The following UBE2V2 variants were observed in gnomAD, a reference collection of about 807,000 sequenced individuals.
The protein encoded by UBE2V2 is ubiquitin-conjugating enzyme E2 variant 2.
UBE2V2 carries 9 observed loss-of-function variants against 17.2 expected under a neutral mutation model. The observed-to-expected ratio is 0.52, with a 90% confidence interval of 0.32 to 0.91. The LOEUF is 0.91. Ranked by LOEUF, UBE2V2 falls within the 40% of genes least tolerant of loss-of-function variation. The pLI is 0.04. For synonymous variants in UBE2V2, 61 were observed against 57.5 expected, an observed-to-expected ratio of 1.06 and a Z score of -0.28; for missense variants, 133 against 182.6, an observed-to-expected ratio of 0.73 and a Z score of 1.56.
At chr8:48,050,650 C>G (rs1293468008) in intron 3 of UBE2V2, 1 of 148,578 alleles carries the variant, frequency 6.7e-6, no homozygotes, top group Admixed American at 6.8e-5. Context: ...GATTGTGCCA[C>G]TGCACTCCAG....
At chr8:48,017,006 G>A (rs1372828738) in intron 1 of UBE2V2, among the ~76,000 whole-genome samples, 2 of 145,342 alleles carry the variant, frequency 1.4e-5, no homozygotes, top group Non-Finnish European at 3.0e-5. Flanking sequence ...GGCTAGGCTG[G>A]TCTCAAACGC....
chr8:48,009,423 G>T (rs984842593), intron 1 of UBE2V2, among the ~76,000 whole-genome samples: 4 of 151,902 alleles, frequency 2.6e-5, no homozygotes, highest in Non-Finnish European at 4.4e-5. Flanking sequence ...GTGCCACCAG[G>T]CCCGGCTAAT....
upstream of UBE2V2, among the ~76,000 whole-genome samples, chr8:48,005,731 G>A (rs1164248442): frequency 1.3e-5 from 2 of 152,148 alleles, no homozygotes; most frequent in South Asian, 4.1e-4. Flanking sequence ...TGAGATGGTA[G>A]CTCATTGTGG....
intron 1 of UBE2V2, among the ~76,000 whole-genome samples, chr8:48,034,562 TC>T (rs2091407767): frequency 6.6e-6 from 1 of 151,542 alleles, no homozygotes; most frequent in South Asian, 2.1e-4. Flanking sequence ...CTATTAGGTC[TC>T]CCCCACCCCC....
chr8:48,038,825 G>C (rs942920300), intron 1 of UBE2V2, among the ~76,000 whole-genome samples: 1 of 151,726 alleles, frequency 6.6e-6, no homozygotes, highest in East Asian at 1.9e-4. Context: ...GGGTTTCACT[G>C]TGTTGACCAG....
Position 48,008,462 on chromosome 8 carries a change from T to A in UBE2V2, c.8T>A (p.Val3Asp), listed in dbSNP as rs751366039. The A allele has an allele frequency of 7.7e-6, 12 of 1,567,014 alleles. No individual in the cohort carries two copies. Among genetic ancestry groups the A allele is most frequent in the Non-Finnish European group, 9.5e-6 (11 of 1,158,922 alleles). Residue 3 changes from valine to aspartate, a missense_variant, in exon 1 of 4, where the codon GTC (valine) becomes GAC (aspartate). This residue lies in a region of UBE2V2 where 27 missense variants were observed against 20.1 expected (regional missense o/e 1.34). Coordinates refer to ENST00000523111, the MANE Select transcript of UBE2V2 (RefSeq NM_003350.3). ...GTCGGGCTGCAGGAGAAGATGGCGGTCTCCACAGGTCGGTTCCCGGGCCGG... is the reference window on the plus strand; with the variant it reads ...GTCGGGCTGCAGGAGAAGATGGCGGACTCCACAGGTCGGTTCCCGGGCCGG... Reference protein sequence around the residue: MAVSTGVKVPRNF... With the variant: MADSTGVKVPRNF...
At chr8:48,008,388 G>A (rs45485299), upstream of UBE2V2, 776 of 1,543,916 alleles carry the variant, frequency 5.0e-4, 10 homozygotes, top group Admixed American at 0.011. Flanking sequence ...AGGGCGGCGC[G>A]CTCCCGGAAG....
chr8:48,035,631 T>TTTTTG (rs1554657539), intron 1 of UBE2V2, among the ~76,000 whole-genome samples: 1 of 109,538 alleles, frequency 9.1e-6, no homozygotes, highest in Admixed American at 1.3e-4. Flanking sequence ...TTTTTTTTTT[T>TTTTTG]TGTGTGTGTG....
the UBE2V2 span, among the ~76,000 whole-genome samples, chr8:48,001,445 A>G: frequency 6.6e-6 from 1 of 152,092 alleles, no homozygotes; most frequent in African/African-American, 2.4e-5. Context: ...CAAAAAATAC[A>G]ACAGATTAGC....
At chr8:48,027,817 A>G (rs2091355417) in intron 1 of UBE2V2, among the ~76,000 whole-genome samples, 1 of 151,984 alleles carries the variant, frequency 6.6e-6, no homozygotes, top group South Asian at 2.1e-4. Context: ...GGCTATTTAT[A>G]TATCTTCTTT....
At chr8:48,023,587 C>T (rs1007193361) in intron 1 of UBE2V2, among the ~76,000 whole-genome samples, 2 of 151,870 alleles carry the variant, frequency 1.3e-5, no homozygotes, top group African/African-American at 4.8e-5. Context: ...AGTGTTCAGG[C>T]TGGGCGCGCA....
Position 48,047,714 on chromosome 8 carries a change from A to G in UBE2V2, c.166-2139A>G, listed in dbSNP as rs570171224. ...CTGGGATTACAGGCGTGTGCTACCAATTTTTGTATTTTTAATAGAGACGGG... is the reference window on the plus strand; with the variant it reads ...CTGGGATTACAGGCGTGTGCTACCAGTTTTTGTATTTTTAATAGAGACGGG... On this transcript the variant is annotated intron_variant, in intron 2 of 3. Coordinates refer to ENST00000523111, the MANE Select transcript of UBE2V2 (RefSeq NM_003350.3). 4.0e-5 allele frequency among the ~76,000 whole-genome samples: 6 copies of G among 151,524 alleles called. No individual in the cohort carries two copies. In the South Asian group the frequency reaches 1.3e-3, roughly 32 times the overall value.
chr8:48,021,937 C>T (rs2091308570), intron 1 of UBE2V2, among the ~76,000 whole-genome samples: 1 of 152,164 alleles, frequency 6.6e-6, no homozygotes, highest in East Asian at 1.9e-4. Flanking sequence ...GCCTCAGCCT[C>T]CCAAAGTGCT....
chr8:48,059,326 CAT>C (rs1292696914), intron 3 of UBE2V2, among the ~76,000 whole-genome samples: 16 of 152,046 alleles, frequency 1.1e-4, no homozygotes, highest in South Asian at 2.1e-4. Flanking sequence ...CAGCCCTACA[CAT>C]GTGTGTGGTC....
intron 1 of UBE2V2, among the ~76,000 whole-genome samples, chr8:48,040,628 T>C (rs1229359417): frequency 2.6e-5 from 4 of 152,050 alleles, no homozygotes. Flanking sequence ...CCTCTGTTTT[T>C]TCTTTTTTTG....
intron 2 of UBE2V2, among the ~76,000 whole-genome samples, chr8:48,046,942 C>CTTT (rs771280050): frequency 7.2e-6 from 1 of 139,776 alleles, no homozygotes; most frequent in Non-Finnish European, 1.6e-5. Flanking sequence ...TAAGGTCCCT[C>CTTT]TTTTTTTTTT....
At chr8:48,044,556 T>C (rs1442079315) in intron 2 of UBE2V2, among the ~76,000 whole-genome samples, 1 of 152,150 alleles carries the variant, frequency 6.6e-6, no homozygotes, top group African/African-American at 2.4e-5. Context: ...CTTTGCAAAA[T>C]TCATGCACAC....
intron 1 of UBE2V2, among the ~76,000 whole-genome samples, chr8:48,015,441 A>G (rs539340645): frequency 1.3e-5 from 2 of 152,188 alleles, no homozygotes; most frequent in Non-Finnish European, 2.9e-5. Context: ...TACATTGTGG[A>G]ATGGTTAAAT....
At chr8:47,999,095 G>A in the UBE2V2 span, among the ~76,000 whole-genome samples, 3 of 152,196 alleles carry the variant, frequency 2.0e-5, no homozygotes, top group African/African-American at 7.2e-5. Flanking sequence ...GGTCTGATAA[G>A]TGAAAGTCGG....
Sources: gnomAD v4.1 joint callset for allele counts (sites outside exome capture counted in the v4.1 genomes callset) on GRCh38, gnomAD v4.1.1 for gene constraint, gnomAD v4.1.1 regional missense constraint, MANE v1.5 for transcripts, NCBI Gene and HGNC (gene_info 2026-07-23, HGNC 2026-07-21) for gene names.